The following KLHL25 variants were observed in gnomAD, a reference collection of about 807,000 sequenced individuals.
KLHL25 encodes the protein kelch like family member 25.
A neutral mutation model predicts 30.0 loss-of-function variants in KLHL25; 41 were observed. That is an observed-to-expected ratio of 1.37 (90% CI 1.07 to 1.78). The LOEUF (loss-of-function observed/expected upper bound fraction) is 1.78, where lower values mean the gene tolerates loss of function less well. Among genes scored for constraint, KLHL25 ranks in the 40% most tolerant of loss-of-function variants. The pLI is 0.00. For missense variants in KLHL25, 971 were observed against 824.5 expected (o/e 1.18, Z -2.18); for synonymous variants, 399 against 355.3 (o/e 1.12, Z -1.38).
Position 85,770,761 on chromosome 15 carries a change from C to T in KLHL25, c.-10-941G>A, listed in dbSNP as rs62025273. ...AGCTGACGCCAGGATCCTGGGCCAACGCAGCGCCTCCCCTGCCTCCCTTGC... is the reference window on the plus strand; with the variant it reads ...AGCTGACGCCAGGATCCTGGGCCAATGCAGCGCCTCCCCTGCCTCCCTTGC... On this transcript the variant is annotated intron_variant, in intron 1 of 2. Transcript: ENST00000337975. Among the ~76,000 whole-genome samples the T allele has an allele frequency of 4.9e-3, 753 of 152,328 alleles. 3 individuals are homozygous for T. Among genetic ancestry groups the T allele is most frequent in the Non-Finnish European group, 5.7e-3 (386 of 68,024 alleles).
chr15:85,766,399 C>T (rs1428197248), intron 2 of KLHL25, among the ~76,000 whole-genome samples: 1 of 152,160 alleles, frequency 6.6e-6, no homozygotes, highest in Admixed American at 6.5e-5. Flanking sequence ...CTTTCCCAGG[C>T]CCTAAACACA....
At chr15:85,788,421 T>C (rs1024478777) in intron 1 of KLHL25, among the ~76,000 whole-genome samples, 42 of 152,206 alleles carry the variant, frequency 2.8e-4, no homozygotes, top group African/African-American at 9.9e-4. Context: ...GTCAGTCTGT[T>C]GTCTGCCTCC....
At chr15:85,778,296 A>G (rs912640512) in intron 1 of KLHL25, among the ~76,000 whole-genome samples, 2 of 152,176 alleles carry the variant, frequency 1.3e-5, no homozygotes, top group South Asian at 4.1e-4. Context: ...ATCCAGCTAC[A>G]CGCCTTCACT....
chr15:85,774,983 T>G (rs947974267), intron 1 of KLHL25, among the ~76,000 whole-genome samples: 1 of 151,490 alleles, frequency 6.6e-6, no homozygotes, highest in African/African-American at 2.4e-5. Context: ...TTCAAGCAAT[T>G]CTCCTGCCTC....
chr15:85,768,954 G>A lies in KLHL25; in HGVS notation c.857C>T (p.Pro286Leu), dbSNP rs1218874961. 2 of 1,613,124 alleles carry A rather than the reference G, an allele frequency of 1.2e-6. No homozygotes were observed. Among genetic ancestry groups the A allele is most frequent in the African/African-American group, 1.3e-5 (1 of 74,944 alleles). Residue 286 changes from proline (P) to leucine (L), a missense_variant, in exon 2 of 3, where the codon CCC becomes CTC. Physicochemically the swap from Pro to Leu is moderately conservative, Grantham distance 98 (BLOSUM62 -3). Transcript: ENST00000337975. ...GCCCGCCTTGCGTGGCCGGGCACAG[G>A]GGCTGGTGACCACGCCATCATTCTG... ...ILQNDGVVTS[P>L]CARPRKAGHT...
chr15:85,793,347 C>T lies in KLHL25; in HGVS notation c.-11+1419G>A, dbSNP rs775786399. 2.2e-4 allele frequency among the ~76,000 whole-genome samples: 33 copies of T among 152,160 alleles called. 2 individuals carry two copies. The highest frequency in any genetic ancestry group is 2.1e-4 in the South Asian group (1 of 4,828). ...TTATCAACCACCCTGGAGTCACTGC[C>T]TGACAAATGACTCAAAACTGAAATA... On this transcript the variant is annotated intron_variant, in intron 1 of 2. Transcript: ENST00000337975.
At chr15:85,778,694 C>T (rs1406675092) in intron 1 of KLHL25, among the ~76,000 whole-genome samples, 2 of 152,190 alleles carry the variant, frequency 1.3e-5, no homozygotes, top group African/African-American at 4.8e-5. Flanking sequence ...TCCAGGCCAT[C>T]CCTCTCTTTG....
chr15:85,792,994 C>T (rs930676143), intron 1 of KLHL25, among the ~76,000 whole-genome samples: 1 of 152,178 alleles, frequency 6.6e-6, no homozygotes, highest in Non-Finnish European at 1.5e-5. Flanking sequence ...TCTGTTCAAA[C>T]AATGAATCAA....
intron 1 of KLHL25, among the ~76,000 whole-genome samples, chr15:85,777,883 G>A (rs2089719607): frequency 6.6e-6 from 1 of 152,208 alleles, no homozygotes; most frequent in Non-Finnish European, 1.5e-5. Context: ...TGGCCAGGAA[G>A]GGAGCCAAAT....
rs377209193 is a variant in KLHL25 at position 85,791,618 on chromosome 15, G to C, written c.-11+3148C>G. ...TAAGAAAGAGTGGCAAGAGAGGTAG[G>C]GGGCGGGGGTGAGGTGACTGGGGAC... On this transcript the variant is annotated intron_variant, in intron 1 of 2. Transcript: ENST00000337975. Among the ~76,000 whole-genome samples, 15 of 152,130 alleles carry C rather than the reference G, an allele frequency of 9.9e-5. No homozygotes were observed. The East Asian group carries it at 1.2e-3, about 12-fold the overall frequency.
intron 1 of KLHL25, among the ~76,000 whole-genome samples, chr15:85,794,519 T>A (rs1188215884): frequency 1.3e-5 from 2 of 151,910 alleles, no homozygotes; most frequent in East Asian, 3.9e-4. Context: ...AAACAATTCA[T>A]TCCCTCGCGC....
chr15:85,786,151 C>T (rs2089779970), intron 1 of KLHL25, among the ~76,000 whole-genome samples: 1 of 152,222 alleles, frequency 6.6e-6, no homozygotes, highest in African/African-American at 2.4e-5. Context: ...GGCAGAAGCC[C>T]TCCCTACCAA....
chr15:85,778,470 A>G (rs2089724197), intron 1 of KLHL25, among the ~76,000 whole-genome samples: 1 of 152,194 alleles, frequency 6.6e-6, no homozygotes, highest in East Asian at 1.9e-4. Context: ...TCAGCACTTC[A>G]CGTGTTAACT....
At chr15:85,787,116 C>A (rs2089786293) in intron 1 of KLHL25, among the ~76,000 whole-genome samples, 1 of 148,396 alleles carries the variant, frequency 6.7e-6, no homozygotes, top group South Asian at 2.3e-4. Context: ...CCCCCCCACC[C>A]CATCACATTA....
chr15:85,770,666 C>G, intron 1 of KLHL25: 1 of 434,456 alleles, frequency 2.3e-6, no homozygotes, highest in African/African-American at 2.0e-5. Context: ...ATGCCGAACC[C>G]TAACGGAAGT....
chr15:85,784,545 A>AT (rs2089766722), intron 1 of KLHL25, among the ~76,000 whole-genome samples: 1 of 115,742 alleles, frequency 8.6e-6, no homozygotes, highest in African/African-American at 2.9e-5. Context: ...AAAATAAAAA[A>AT]ATAAAAAAAA....
chr15:85,780,774 A>C (rs2089737873), intron 1 of KLHL25, among the ~76,000 whole-genome samples: 1 of 152,236 alleles, frequency 6.6e-6, no homozygotes, highest in South Asian at 2.1e-4. Flanking sequence ...GATGAGAGCA[A>C]GGGGAGCATA....
Position 85,769,834 on chromosome 15 carries a change from A to G in KLHL25, c.-10-14T>C. On this transcript the variant is annotated splice_polypyrimidine_tract_variant and intron_variant, in intron 1 of 2. Transcript: ENST00000337975. Reference sequence around the variant, plus strand: ...ATGGTGCGTCAGCTTGTGGGGGAACAAGCCCACAGGTTAGAGGAGCCCCTC... The same window carrying G: ...ATGGTGCGTCAGCTTGTGGGGGAACGAGCCCACAGGTTAGAGGAGCCCCTC... 1.3e-6 allele frequency: 2 copies of G among 1,589,852 alleles called. No homozygotes were observed. The highest frequency in any genetic ancestry group is 1.7e-6 in the Non-Finnish European group (2 of 1,169,290).
At chr15:85,780,098 G>A (rs772015194) in intron 1 of KLHL25, among the ~76,000 whole-genome samples, 1 of 152,204 alleles carries the variant, frequency 6.6e-6, no homozygotes, top group Non-Finnish European at 1.5e-5. Context: ...GATGGAAGGT[G>A]CCGCCTGGCT....
Sources: allele counts gnomAD v4.1 joint callset (sites outside exome capture counted in the v4.1 genomes callset), GRCh38; gene constraint gnomAD v4.1.1; transcripts MANE v1.5; gene names NCBI Gene and HGNC (gene_info 2026-07-23, HGNC 2026-07-21).